The following ATOSA variants were observed in gnomAD, a reference collection of about 807,000 sequenced individuals.
ATOSA encodes the protein atos homolog protein A.
the ATOSA span, among the ~76,000 whole-genome samples, chr15:52,588,093 T>C: frequency 4.3e-3 from 652 of 152,308 alleles, 6 homozygotes; most frequent in African/African-American, 0.015. Flanking sequence ...GTTAGTTTGG[T>C]ACTCAAAGAA....
At chr15:52,678,224 T>A in the ATOSA span, 1 of 642,440 alleles carries the variant, frequency 1.6e-6, no homozygotes, top group Non-Finnish European at 2.7e-6. Context: ...CCAACTGCGG[T>A]GACAGCACCC....
the ATOSA span, among the ~76,000 whole-genome samples, chr15:52,637,927 T>C: frequency 7.9e-5 from 12 of 152,224 alleles, no homozygotes; most frequent in African/African-American, 2.9e-4. Context: ...CATATCACTG[T>C]AATATAATGT....
At chr15:52,602,258 T>C in the ATOSA span, among the ~76,000 whole-genome samples, 2 of 152,262 alleles carry the variant, frequency 1.3e-5, no homozygotes, top group African/African-American at 4.8e-5. Flanking sequence ...ATTTTTCATA[T>C]CTAGAATTTC....
chr15:52,664,763 A>C, the ATOSA span, among the ~76,000 whole-genome samples: 2 of 152,164 alleles, frequency 1.3e-5, no homozygotes. Flanking sequence ...ACATAGCAAG[A>C]CCAGTCTCTA....
the ATOSA span, among the ~76,000 whole-genome samples, chr15:52,693,938 A>T: frequency 6.6e-6 from 1 of 152,170 alleles, no homozygotes; most frequent in East Asian, 1.9e-4. Context: ...GCACTACTTA[A>T]ATTGTTCTCT....
the ATOSA span, among the ~76,000 whole-genome samples, chr15:52,671,927 T>A: frequency 6.6e-6 from 1 of 151,056 alleles, no homozygotes; most frequent in East Asian, 1.9e-4. Flanking sequence ...GAAAGGAAAA[T>A]ATGAGAAAGC....
At chr15:52,689,695 C>G in the ATOSA span, among the ~76,000 whole-genome samples, 1 of 152,192 alleles carries the variant, frequency 6.6e-6, no homozygotes, top group Admixed American at 6.5e-5. Context: ...AAGTGGCCTA[C>G]AAAGTTGCTC....
chr15:52,624,780 A>ATTT, the ATOSA span, among the ~76,000 whole-genome samples: 6 of 141,994 alleles, frequency 4.2e-5, no homozygotes, highest in Admixed American at 1.4e-4. Flanking sequence ...GTACCTGCTT[A>ATTT]TTTTTTTTTT....
At chr15:52,611,416 G>T in the ATOSA span, among the ~76,000 whole-genome samples, 1 of 152,126 alleles carries the variant, frequency 6.6e-6, no homozygotes, top group African/African-American at 2.4e-5. Context: ...ATTACTAAAT[G>T]CAAGTACTAT....
At chr15:52,633,031 C>G in the ATOSA span, among the ~76,000 whole-genome samples, 1 of 152,052 alleles carries the variant, frequency 6.6e-6, no homozygotes, top group East Asian at 1.9e-4. Context: ...TAAGTCCAAT[C>G]AGAGCAAGTA....
the ATOSA span, among the ~76,000 whole-genome samples, chr15:52,637,918 A>G: frequency 6.6e-6 from 1 of 152,172 alleles, no homozygotes; most frequent in African/African-American, 2.4e-5. Context: ...ATAAACAATC[A>G]TATCACTGTA....
the ATOSA span, among the ~76,000 whole-genome samples, chr15:52,693,966 CTT>C: frequency 1.5e-4 from 23 of 152,212 alleles, no homozygotes; most frequent in Non-Finnish European, 2.9e-4. Flanking sequence ...CTCACTCTCT[CTT>C]CTCTTTTGTT....
chr15:52,607,144 A>G, the ATOSA span, among the ~76,000 whole-genome samples: 1 of 152,208 alleles, frequency 6.6e-6, no homozygotes, highest in Non-Finnish European at 1.5e-5. Flanking sequence ...TTTTATAAGT[A>G]ATACGACTTA....
chr15:52,610,341 CTG>C, the ATOSA span: 2 of 1,612,454 alleles, frequency 1.2e-6, no homozygotes, highest in Non-Finnish European at 1.7e-6. Context: ...CAATTGGAGT[CTG>C]TGAAAAATTC....
At chr15:52,645,147 T>G in the ATOSA span, among the ~76,000 whole-genome samples, 5 of 152,124 alleles carry the variant, frequency 3.3e-5, no homozygotes, top group Non-Finnish European at 7.4e-5. Context: ...CATGGTAATG[T>G]GATAAATGAG....
the ATOSA span, among the ~76,000 whole-genome samples, chr15:52,597,188 C>T: frequency 0.15 from 331 of 2,220 alleles, 116 homozygotes; most frequent in East Asian, 0.33. Flanking sequence ...CTATTCTATT[C>T]TATTCTATTC....
the ATOSA span, chr15:52,678,081 G>A: frequency 6.3e-7 from 1 of 1,594,882 alleles, no homozygotes; most frequent in Non-Finnish European, 8.6e-7. Flanking sequence ...CTTTCAACAG[G>A]CTCGCCGCTG....
At chr15:52,601,061 CA>C in the ATOSA span, 1 of 1,430,116 alleles carries the variant, frequency 7.0e-7, no homozygotes, top group Non-Finnish European at 9.5e-7. Flanking sequence ...GTTTGAAACA[CA>C]CAAATGAATT....
At chr15:52,681,620 G>T in the ATOSA span, among the ~76,000 whole-genome samples, 9 of 152,278 alleles carry the variant, frequency 5.9e-5, no homozygotes, top group African/African-American at 1.9e-4. Context: ...TTCCTAGTTG[G>T]TGAAGGGTAA....
Sources: gnomAD v4.1 joint callset for allele counts (sites outside exome capture counted in the v4.1 genomes callset) on GRCh38, gnomAD v4.1.1 for gene constraint, MANE v1.5 for transcripts, NCBI Gene and HGNC (gene_info 2026-07-23, HGNC 2026-07-21) for gene names.